The following LYSMD1 variants were observed in gnomAD, a reference collection of about 807,000 sequenced individuals.
LYSMD1 encodes lysM and putative peptidoglycan-binding domain-containing protein 1.
LYSMD1 carries 9 observed loss-of-function variants against 19.3 expected under a neutral mutation model. The observed-to-expected ratio is 0.47, with a 90% CI of 0.28 to 0.81. The LOEUF is 0.81. Among genes scored for constraint, LYSMD1 ranks in the 40% least tolerant of loss-of-function variants. The probability of loss-of-function intolerance (pLI) is 0.11; values close to 1 mark genes in which losing one functional copy is unlikely to be tolerated. For missense variants in LYSMD1, 262 were observed against 279.8 expected (o/e 0.94, Z 0.45); for synonymous variants, 111 against 111.7 (o/e 0.99, Z 0.04).
At chr1:151,163,099 C>T (rs1683511362) in intron 1 of LYSMD1, among the ~76,000 whole-genome samples, 1 of 152,102 alleles carries the variant, frequency 6.6e-6, no homozygotes, top group Non-Finnish European at 1.5e-5. Context: ...TTTCTTTGAA[C>T]ATTCCATGAT....
At position 151,165,310 on chromosome 1, in the gene LYSMD1, A is replaced by G. The variant is rs1246044658; in HGVS notation, c.-52T>C. The G allele has an allele frequency of 6.3e-7, 1 of 1,579,736 alleles. No individual in the cohort carries two copies. The highest frequency in any genetic ancestry group is 2.3e-5 in the East Asian group (1 of 44,378). Reference sequence around the variant, plus strand: ...TGCAACTAGGGGAGGTACGACCGAGACTGCGACTGACAGGCCTGAAGTCTG... The same window carrying G: ...TGCAACTAGGGGAGGTACGACCGAGGCTGCGACTGACAGGCCTGAAGTCTG... On this transcript the variant is annotated 5_prime_UTR_variant, in exon 1 of 3. Transcript: ENST00000368908.
the LYSMD1 span, among the ~76,000 whole-genome samples, chr1:151,150,959 G>A: frequency 1.2e-4 from 18 of 151,786 alleles, no homozygotes; most frequent in African/African-American, 2.2e-4. Context: ...GGCTGGTCTC[G>A]AACTCCTGAC....
the LYSMD1 span, among the ~76,000 whole-genome samples, chr1:151,148,844 A>G: frequency 6.6e-6 from 1 of 152,220 alleles, no homozygotes; most frequent in Non-Finnish European, 1.5e-5. Flanking sequence ...GAAAAGGGGA[A>G]GACAAATTAC....
At chr1:151,159,177 T>C (rs762705314), downstream of LYSMD1, 21 of 1,614,068 alleles carry the variant, frequency 1.3e-5, 1 homozygote, top group South Asian at 2.3e-4. Flanking sequence ...CGGCCCTCTA[T>C]GGGCCTGACT....
downstream of LYSMD1, among the ~76,000 whole-genome samples, chr1:151,155,828 G>C (rs1021921957): frequency 6.6e-6 from 1 of 151,700 alleles, no homozygotes; most frequent in African/African-American, 2.4e-5. Context: ...TAGGCCCTGC[G>C]GGGTGCGTTG....
At chr1:151,163,343 G>T (rs1572069059) in intron 1 of LYSMD1, among the ~76,000 whole-genome samples, 1 of 151,866 alleles carries the variant, frequency 6.6e-6, no homozygotes. Context: ...TCCTTTAAGG[G>T]CAAGGATTGT....
chr1:151,158,668 A>G (rs372083418), downstream of LYSMD1: 64 of 1,534,440 alleles, frequency 4.2e-5, no homozygotes, highest in Middle Eastern at 3.7e-4. Context: ...TCTTCTAGTG[A>G]CTGACCACAT....
At chr1:151,151,915 G>A in the LYSMD1 span, among the ~76,000 whole-genome samples, 2 of 146,772 alleles carry the variant, frequency 1.4e-5, no homozygotes, top group East Asian at 4.0e-4. Context: ...AGCAACAAGA[G>A]CGAAACTCCA....
chr1:151,159,403 C>G (rs1683354892), downstream of LYSMD1: 1 of 805,030 alleles, frequency 1.2e-6, no homozygotes, highest in South Asian at 1.8e-5. Flanking sequence ...CTGAGACCAG[C>G]CCACCCCCAA....
chr1:151,155,695 G>C (rs1056902024), downstream of LYSMD1, among the ~76,000 whole-genome samples: 1 of 152,122 alleles, frequency 6.6e-6, no homozygotes, highest in African/African-American at 2.4e-5. Flanking sequence ...TGGCCTGGGC[G>C]ACAGAGTGAG....
chr1:151,160,732 G>A lies in LYSMD1; in HGVS notation c.*150C>T, dbSNP rs1385143809. Reference sequence around the variant, plus strand: ...TGCCAATAAAACTGCCCCAGGCCAAGGAATTTTTGGCAGACAAGGAGGCTG... The same window carrying A: ...TGCCAATAAAACTGCCCCAGGCCAAAGAATTTTTGGCAGACAAGGAGGCTG... On this transcript the variant is annotated 3_prime_UTR_variant, in exon 3 of 3. Coordinates refer to ENST00000368908, the MANE Select transcript of LYSMD1 (RefSeq NM_212551.5). 2.1e-6 allele frequency: 2 copies of A among 960,236 alleles called. No individual in the cohort carries two copies. Among genetic ancestry groups the A allele is most frequent in the Non-Finnish European group, 3.0e-6 (2 of 658,494 alleles). 59.5% of individuals were successfully genotyped at this position (960,236 alleles called of 1,614,324 possible).
downstream of LYSMD1, among the ~76,000 whole-genome samples, chr1:151,156,957 G>A (rs1013716197): frequency 6.6e-6 from 1 of 152,188 alleles, no homozygotes; most frequent in African/African-American, 2.4e-5. Context: ...CCATATGGAT[G>A]TGTGCGAAAT....
At chr1:151,158,450 G>A (rs368510232), downstream of LYSMD1, among the ~76,000 whole-genome samples, 8 of 151,980 alleles carry the variant, frequency 5.3e-5, no homozygotes, top group Non-Finnish European at 1.2e-4. Context: ...TCCTCCAGCC[G>A]GGGCTATCGC....
At chr1:151,150,736 C>CTTTTTT in the LYSMD1 span, among the ~76,000 whole-genome samples, 13 of 125,118 alleles carry the variant, frequency 1.0e-4, 1 homozygote, top group East Asian at 2.1e-4. Context: ...CTTTTCTTTT[C>CTTTTTT]TTTTTTTTTT....
At position 151,160,535 on chromosome 1, in the gene LYSMD1, G is replaced by T; in HGVS notation, c.*347C>A. 5.8e-6 allele frequency: 1 copy of T among 171,262 alleles called. No homozygotes were observed. Among genetic ancestry groups the T allele is most frequent in the East Asian group, 1.6e-4 (1 of 6,222 alleles). The allele number at this position is 171,262 out of a possible 1,614,324, so 10.6% of individuals were successfully genotyped here. A position where few individuals can be genotyped will look rare whatever the true frequency, so the allele number is the denominator to read the frequency against. Reference sequence around the variant, plus strand: ...CCAAATAAATTATGTCACATAGTTGGAGATGAGGAAGAAGCTGAGGGGGAG... The same window carrying T: ...CCAAATAAATTATGTCACATAGTTGTAGATGAGGAAGAAGCTGAGGGGGAG... On this transcript the variant is annotated 3_prime_UTR_variant, in exon 3 of 3. Transcript: ENST00000368908.
At chr1:151,159,409 C>A, downstream of LYSMD1, 2 of 750,406 alleles carry the variant, frequency 2.7e-6, no homozygotes, top group Non-Finnish European at 4.3e-6. Context: ...CCAGCCCACC[C>A]CCAAACAGCT....
At chr1:151,150,712 A>G in the LYSMD1 span, among the ~76,000 whole-genome samples, 1 of 149,916 alleles carries the variant, frequency 6.7e-6, no homozygotes, top group South Asian at 2.1e-4. Flanking sequence ...TTCTATTAAT[A>G]TGGCTTTTCT....
chr1:151,158,938 C>G (rs1683332596), downstream of LYSMD1: 1 of 1,614,124 alleles, frequency 6.2e-7, no homozygotes, highest in South Asian at 1.1e-5. Flanking sequence ...CTCCTTTGGC[C>G]CCAGTGAGCT....
Position 151,160,838 on chromosome 1 carries a change from T to A in LYSMD1, c.*44A>T, listed in dbSNP as rs761543430. 2.1e-5 allele frequency: 33 copies of A among 1,590,326 alleles called. No individual in the cohort carries two copies. Among genetic ancestry groups the A allele is most frequent in the Non-Finnish European group, 1.2e-5 (14 of 1,161,028 alleles). ...ACCTCAGGCTCCTCTCCCCCTGAAG[T>A]TTCTCTTTCAACATCTTGCTTCTCT... On this transcript the variant is annotated 3_prime_UTR_variant, in exon 3 of 3. Coordinates refer to ENST00000368908, the MANE Select transcript of LYSMD1 (RefSeq NM_212551.5).
Sources: allele counts gnomAD v4.1 joint callset (sites outside exome capture counted in the v4.1 genomes callset), GRCh38; gene constraint gnomAD v4.1.1; transcripts MANE v1.5; gene names NCBI Gene and HGNC (gene_info 2026-07-23, HGNC 2026-07-21).